The following BRI3 variants were observed in gnomAD, a reference collection of about 807,000 sequenced individuals.
The protein encoded by BRI3 is membrane protein BRI3.
In BRI3, 6 loss-of-function variants were observed where a neutral mutation model predicts 12.8. That is an observed-to-expected ratio of 0.47 (90% CI 0.26 to 0.93). The LOEUF (loss-of-function observed/expected upper bound fraction) is 0.93. Among genes scored for constraint, BRI3 ranks in the 40% least tolerant of loss-of-function variants. BRI3 has a pLI of 0.15. For missense variants in BRI3, 134 were observed against 171.1 expected (o/e 0.78, Z 1.21); for synonymous variants, 91 against 76.1 (o/e 1.20, Z -1.02).
the BRI3 span, among the ~76,000 whole-genome samples, chr7:98,318,872 A>T: frequency 6.8e-6 from 1 of 147,818 alleles, no homozygotes; most frequent in Non-Finnish European, 1.5e-5. Context: ...GGAACCCAGG[A>T]GGCGGAGGTT....
At chr7:98,320,931 A>G in the BRI3 span, among the ~76,000 whole-genome samples, 1 of 152,210 alleles carries the variant, frequency 6.6e-6, no homozygotes, top group Non-Finnish European at 1.5e-5. Context: ...ACCTTGGCTC[A>G]CTGCAGCCTC....
intron 2 of BRI3, among the ~76,000 whole-genome samples, chr7:98,288,070 A>G (rs1799771620): frequency 6.6e-6 from 1 of 152,104 alleles, no homozygotes; most frequent in Non-Finnish European, 1.5e-5. Context: ...TCTCCCCTAG[A>G]AGGATTTCTC....
chr7:98,318,526 G>T, the BRI3 span, among the ~76,000 whole-genome samples: 2 of 151,414 alleles, frequency 1.3e-5, no homozygotes, highest in Non-Finnish European at 2.9e-5. Flanking sequence ...GGATCCACCC[G>T]CCTTGGCCTC....
At chr7:98,286,898 G>A (rs1055685044) in intron 2 of BRI3, among the ~76,000 whole-genome samples, 1 of 152,238 alleles carries the variant, frequency 6.6e-6, no homozygotes, top group South Asian at 2.1e-4. Context: ...AAGTGACAGC[G>A]AGTTCTGCCT....
chr7:98,292,314 C>T (rs1004256888), downstream of BRI3: 24 of 338,460 alleles, frequency 7.1e-5, no homozygotes, highest in African/African-American at 3.4e-4. Context: ...CTCTGCCTCC[C>T]GGGTTCAAGT....
the BRI3 span, chr7:98,317,147 C>A: frequency 6.3e-7 from 1 of 1,597,404 alleles, no homozygotes; most frequent in Admixed American, 1.7e-5. Flanking sequence ...GCCACCGCAC[C>A]CGGCTAACCT....
At chr7:98,313,675 C>A (rs1297657921), downstream of BRI3, among the ~76,000 whole-genome samples, 2 of 152,050 alleles carry the variant, frequency 1.3e-5, no homozygotes, top group African/African-American at 4.8e-5. Context: ...CTGGAGTGCA[C>A]TGGCACAATC....
downstream of BRI3, among the ~76,000 whole-genome samples, chr7:98,311,247 A>G (rs1198169114): frequency 6.6e-6 from 1 of 152,194 alleles, no homozygotes; most frequent in African/African-American, 2.4e-5. Flanking sequence ...GATTACAAAT[A>G]AAAACAGTAA....
chr7:98,293,673 TTC>T, downstream of BRI3: 1 of 1,433,310 alleles, frequency 7.0e-7, no homozygotes, highest in Non-Finnish European at 9.8e-7. Flanking sequence ...TAATAACCCG[TTC>T]TTGCCCTGTG....
intron 1 of BRI3, among the ~76,000 whole-genome samples, chr7:98,298,681 A>G (rs1800292066): frequency 1.3e-5 from 2 of 152,204 alleles, no homozygotes; most frequent in South Asian, 4.1e-4. Flanking sequence ...GGCCTGGGAT[A>G]TAACACAGCT....
At chr7:98,304,264 T>G, upstream of BRI3, 1 of 1,613,626 alleles carries the variant, frequency 6.2e-7, no homozygotes, top group Non-Finnish European at 8.5e-7. Context: ...GAATCTGCTC[T>G]CCTGTCGGCA....
chr7:98,286,506 G>A (rs892054707), intron 2 of BRI3, among the ~76,000 whole-genome samples: 3 of 152,184 alleles, frequency 2.0e-5, no homozygotes, highest in Non-Finnish European at 4.4e-5. Context: ...GGACCAGAGC[G>A]GTTGAGAAGG....
exon 1 of BRI3, chr7:98,306,634 T>C: frequency 6.9e-7 from 1 of 1,439,572 alleles, no homozygotes; most frequent in Admixed American, 2.2e-5. Flanking sequence ...AACGCCCATG[T>C]GTGGAGGAAA....
chr7:98,298,395 A>G (rs1470244479), intron 1 of BRI3, among the ~76,000 whole-genome samples: 1 of 152,192 alleles, frequency 6.6e-6, no homozygotes, highest in Non-Finnish European at 1.5e-5. Flanking sequence ...GACGGATCAC[A>G]AGGTCAGGAG....
At chr7:98,307,871 C>T (rs2116860054) in exon 2 of BRI3, 1 of 1,614,238 alleles carries the variant, frequency 6.2e-7, no homozygotes, top group East Asian at 2.2e-5. Context: ...AAACTGATCG[C>T]TGTAAACTGG....
the BRI3 span, chr7:98,320,380 G>A: frequency 9.1e-7 from 1 of 1,104,564 alleles, no homozygotes; most frequent in Admixed American, 2.3e-5. Context: ...CTGTCGCCCA[G>A]GCTGGAGTGC....
intron 2 of BRI3, 32 bp from the exon 3 acceptor site, chr7:98,291,079 G>A (rs765487035): frequency 6.2e-6 from 10 of 1,613,012 alleles, no homozygotes; most frequent in South Asian, 1.1e-5. Context: ...GGGTCCTTAC[G>A]GTGCCACCCT....
chr7:98,308,040 CGCTTT>C, exon 2 of BRI3: 1 of 810,830 alleles, frequency 1.2e-6, no homozygotes, highest in Non-Finnish European at 2.1e-6. Context: ...CCTATTTCCT[CGCTTT>C]GATCATTGCC....
intron 1 of BRI3, among the ~76,000 whole-genome samples, chr7:98,300,369 T>C (rs1191349262): frequency 6.6e-6 from 1 of 152,224 alleles, no homozygotes; most frequent in Non-Finnish European, 1.5e-5. Context: ...GGATGAAACG[T>C]GGTCACTTGT....
Sources: allele counts gnomAD v4.1 joint callset (sites outside exome capture counted in the v4.1 genomes callset), GRCh38; gene constraint gnomAD v4.1.1; transcripts MANE v1.5; gene names NCBI Gene and HGNC (gene_info 2026-07-23, HGNC 2026-07-21).